The following ZNF18 variants were observed in gnomAD, a reference collection of about 807,000 sequenced individuals.
ZNF18 encodes the protein heart development-specific gene 1 protein.
A neutral mutation model predicts 58.1 loss-of-function variants in ZNF18; 42 were observed. The ratio of observed to expected loss-of-function variants is 0.72; its 90% CI spans 0.56 to 0.93. The LOEUF (loss-of-function observed/expected upper bound fraction) is 0.93. Among genes scored for constraint, ZNF18 ranks in the 40% least tolerant of loss-of-function variants. The pLI is 0.00. For synonymous variants in ZNF18, 231 were observed against 239.8 expected, an observed-to-expected ratio of 0.96 and a Z score of 0.34; for missense variants, 540 against 644.2, an observed-to-expected ratio of 0.84 and a Z score of 1.75.
At chr17:11,987,033 C>T (rs375861321) in intron 4 of ZNF18, among the ~76,000 whole-genome samples, 1 of 152,310 alleles carries the variant, frequency 6.6e-6, no homozygotes, top group East Asian at 1.9e-4. Context: ...GGCAAGACGC[C>T]AATGGCAGCC....
At chr17:12,007,143 A>T in the ZNF18 span, among the ~76,000 whole-genome samples, 1 of 152,084 alleles carries the variant, frequency 6.6e-6, no homozygotes, top group African/African-American at 2.4e-5. Context: ...ACCAAGAAGG[A>T]GGTCAGGGCT....
In ZNF18 at chr17:11,977,969, C is replaced by T. The variant is rs754023865; in HGVS notation, c.1638G>A (p.Lys546=). 1 of 1,567,008 alleles carries T rather than the reference C, an allele frequency of 6.4e-7. No individual in the cohort carries two copies. Reference sequence around the variant, plus strand: ...GTTTGGTTACTGGCTATTGAAAGGGCTTCTTTCCTAAGTGGGATCTTTGAT... The same window carrying T: ...GTTTGGTTACTGGCTATTGAAAGGGTTTCTTTCCTAAGTGGGATCTTTGAT... The part of the protein sequence containing the change: ...DKHQRSHLGK[K]PFQ The change falls in exon 7 of 7, where the codon AAG becomes AAA. Residue 546 remains lysine, a synonymous_variant. Transcript: ENST00000580306.
At chr17:11,990,402 G>A (rs184028155) in intron 4 of ZNF18, 60 bp downstream of exon 4, 9 of 1,412,132 alleles carry the variant, frequency 6.4e-6, no homozygotes, top group Non-Finnish European at 8.8e-6. Flanking sequence ...AGAGAAGCAG[G>A]AGGATGAGAT....
chr17:12,016,092 G>A, the ZNF18 span, among the ~76,000 whole-genome samples: 1 of 151,958 alleles, frequency 6.6e-6, no homozygotes, highest in African/African-American at 2.4e-5. Context: ...CACTCAGCCT[G>A]ATATTTGTTT....
the ZNF18 span, among the ~76,000 whole-genome samples, chr17:12,017,308 C>T: frequency 1.3e-5 from 2 of 152,130 alleles, no homozygotes; most frequent in Non-Finnish European, 2.9e-5. Context: ...CAATTAAATT[C>T]AGTGCTCGAA....
chr17:12,015,795 C>CT, the ZNF18 span, among the ~76,000 whole-genome samples: 140 of 146,442 alleles, frequency 9.6e-4, no homozygotes, highest in South Asian at 2.4e-3. Flanking sequence ...ATTTGTATTC[C>CT]TTTTTTTTTT....
Position 11,978,840 on chromosome 17 carries a change from C to CTTTTT in ZNF18, c.863-101_863-97dup, listed in dbSNP as rs56969015. The CTTTTT allele has an allele frequency of 2.4e-3, 294 of 120,552 alleles. 49 individuals carry two copies. The highest frequency in any genetic ancestry group is 0.011 in the African/African-American group (211 of 19,458). 7.5% of individuals were successfully genotyped at this position (120,552 alleles called of 1,614,324 possible). Reference sequence around the variant, plus strand: ...AGGGTCATCATAAAACATTCATTTTCTTTTTTTTTTTTTTTTTTTTTTTTT... The same window carrying CTTTTT: ...AGGGTCATCATAAAACATTCATTTTCTTTTTTTTTTTTTTTTTTTTTTTTTTTTTT... On this transcript the variant is annotated intron_variant, in intron 6 of 6. Coordinates refer to ENST00000580306, the MANE Select transcript of ZNF18 (RefSeq NM_001303281.2).
intron 1 of ZNF18, among the ~76,000 whole-genome samples, chr17:11,994,714 G>A (rs767356353): frequency 2.0e-5 from 3 of 152,038 alleles, no homozygotes; most frequent in Admixed American, 1.3e-4. Flanking sequence ...GGTGGCGGGC[G>A]CCTGTGATCC....
chr17:11,995,171 G>A (rs755104764), intron 1 of ZNF18, among the ~76,000 whole-genome samples: 4 of 152,114 alleles, frequency 2.6e-5, no homozygotes, highest in Admixed American at 6.5e-5. Context: ...CATTCTGGGC[G>A]TCCAAGGCAG....
chr17:11,979,593 T>G (rs916586104), intron 6 of ZNF18, among the ~76,000 whole-genome samples: 3 of 152,164 alleles, frequency 2.0e-5, no homozygotes, highest in Admixed American at 6.5e-5. Context: ...AAATAGAAAA[T>G]TTTTATTTTG....
In ZNF18 at chr17:11,991,543, G is replaced by T. The variant is rs528634041; in HGVS notation, c.388-380C>A. ...GAGTGTTGAGAGTCAGAGAGTGTTAGAATTACGTGAGGTATGGGGGAACCC... is the reference window on the plus strand; with the variant it reads ...GAGTGTTGAGAGTCAGAGAGTGTTATAATTACGTGAGGTATGGGGGAACCC... On this transcript the variant is annotated intron_variant, in intron 2 of 6. Transcript: ENST00000580306. Among the ~76,000 whole-genome samples the T allele has an allele frequency of 3.3e-5, 5 of 152,344 alleles. No individual in the cohort carries two copies. In the East Asian group the frequency reaches 9.6e-4, roughly 29 times the overall value.
intron 4 of ZNF18, among the ~76,000 whole-genome samples, chr17:11,985,161 G>C (rs1214092731): frequency 6.6e-6 from 1 of 152,174 alleles, no homozygotes; most frequent in Non-Finnish European, 1.5e-5. Context: ...GGAGCAAGGT[G>C]TCCCAATCTC....
Position 11,992,471 on chromosome 17 carries a change from T to C in ZNF18, c.359A>G (p.Lys120Arg). Residue 120 changes from lysine (K) to arginine (R), a missense_variant, in exon 2 of 7, where the codon AAG becomes AGG. Physicochemically the swap from Lys to Arg is conservative, Grantham distance 26 (BLOSUM62 2). Coordinates refer to ENST00000580306, the MANE Select transcript of ZNF18 (RefSeq NM_001303281.2). ...EEAVTLVESL[K>R]GDPQRLWQWI... ...TTGCCACAGTCTCTGGGGGTCCCCC[T>C]TCAAGCTTTCCACAAGGGTCACTGC... 1 of 1,614,182 alleles carries C rather than the reference T, an allele frequency of 6.2e-7. No individual in the cohort carries two copies. Among genetic ancestry groups the C allele is most frequent in the African/African-American group, 1.3e-5 (1 of 75,070 alleles).
chr17:12,020,375 T>TG, the ZNF18 span, among the ~76,000 whole-genome samples: 2 of 152,024 alleles, frequency 1.3e-5, no homozygotes, highest in African/African-American at 4.8e-5. Flanking sequence ...TGTAGAGGGT[T>TG]GGGGTATTGG....
At chr17:12,014,550 G>A in the ZNF18 span, among the ~76,000 whole-genome samples, 3 of 152,192 alleles carry the variant, frequency 2.0e-5, no homozygotes, top group East Asian at 1.9e-4. Flanking sequence ...GTGTGACCAC[G>A]TACTGTATGA....
At chr17:12,021,189 C>T in the ZNF18 span, 1 of 346,048 alleles carries the variant, frequency 2.9e-6, no homozygotes, top group Non-Finnish European at 5.1e-6. Context: ...ATCCGGGCTC[C>T]GGCCCGCATA....
upstream of ZNF18, chr17:12,002,282 CCCAGCTA>C (rs1267282392): frequency 6.6e-6 from 1 of 152,214 alleles, no homozygotes; most frequent in Admixed American, 6.6e-5. Flanking sequence ...CGCCTGTAGT[CCCAGCTA>C]CTCAGGAGGC....
At chr17:12,020,729 T>C in the ZNF18 span, 3 of 375,676 alleles carry the variant, frequency 8.0e-6, no homozygotes, top group East Asian at 4.0e-5. Context: ...TGGCCCGGGC[T>C]GCGCGTCGGG....
At position 11,992,797 on chromosome 17, in the gene ZNF18, C is replaced by T; in HGVS notation, c.33G>A (p.Leu11=). MPVDLGQALG[L]LPSLAKAEDS... is the part of the protein sequence containing the mutation. ...CCTCGGCCTTCGCCAGCGATGGCAG[C>T]AGGCCTAGGGCCTGCCCCAAGTCAA... The change falls in exon 2 of 7, where the codon CTG becomes CTA. Residue 11 remains leucine (L), a synonymous_variant. Transcript: ENST00000580306. The T allele has an allele frequency of 6.2e-7, 1 of 1,613,832 alleles. No homozygotes were observed. The highest frequency in any genetic ancestry group is 8.5e-7 in the Non-Finnish European group (1 of 1,180,038).
Sources: allele counts gnomAD v4.1 joint callset (sites outside exome capture counted in the v4.1 genomes callset), GRCh38; gene constraint gnomAD v4.1.1; transcripts MANE v1.5; gene names NCBI Gene and HGNC (gene_info 2026-07-23, HGNC 2026-07-21).